Variants in ESPL1 observed in about 807,000 individuals in gnomAD.
ESPL1 encodes separin.
Under a neutral mutation model 217.2 loss-of-function variants are expected in ESPL1, and 50 were observed. That is an observed-to-expected ratio of 0.23 (90% CI 0.18 to 0.29). ESPL1 has a LOEUF of 0.29. Ranked by LOEUF, ESPL1 falls within the 10% of genes least tolerant of loss-of-function variation. The pLI, the probability that ESPL1 is intolerant of heterozygous loss-of-function variation, is 1.00. For missense variants in ESPL1, 1,834 were observed against 2,603.0 expected (o/e 0.70, Z 6.43); for synonymous variants, 994 against 1,081.3 (o/e 0.92, Z 1.58).
At position 53,286,591 on chromosome 12, in the gene ESPL1, C is replaced by G. The variant is rs369769998; in HGVS notation, c.3855C>G (p.Thr1285=). The change falls in exon 18 of 31, where the codon ACC becomes ACG. Residue 1285 remains threonine (T), a synonymous_variant. Coordinates refer to ENST00000257934, the MANE Select transcript of ESPL1 (RefSeq NM_012291.5). This position sits in a 1 kb window ranked among gnomAD's most constrained non-coding sequence, Gnocchi z 5.3. ...TAGGTGGCCTCAGCTGCTGTACTAC[C>G]CAACTTTTTGCAAGCTCCTGGGGCT... The part of the protein sequence containing the change: ...TKLGGLSCCT[T]QLFASSWGWQ... 33 of 1,614,054 alleles carry G rather than the reference C, an allele frequency of 2.0e-5. No individual in the cohort carries two copies. The highest frequency in any genetic ancestry group is 2.7e-5 in the Non-Finnish European group (32 of 1,180,050).
rs756350037 is a variant in ESPL1, at chr12:53,276,806, G to A, written c.1887G>A (p.Leu629=). ...GGGCCTGGGCACGAGCCACCCACCT[G>A]GTAGAACTGGCTCAGGTGCTCTGCT... is the stretch of plus-strand genomic sequence containing the variant. ...PAGAWARATH[L]VELAQVLCYH... The change falls in exon 8 of 31, where the codon CTG becomes CTA. Residue 629 remains leucine (L), a synonymous_variant. Transcript: ENST00000257934. 1.2e-6 allele frequency: 2 copies of A among 1,613,814 alleles called. No individual in the cohort carries two copies. Among genetic ancestry groups the A allele is most frequent in the African/African-American group, 2.7e-5 (2 of 74,944 alleles).
intron 24 of ESPL1, 101 bp downstream of exon 24, chr12:53,290,570 C>T: frequency 8.0e-7 from 1 of 1,248,524 alleles, no homozygotes; most frequent in Middle Eastern, 2.1e-4. Context: ...AAAGCCACTT[C>T]AAATCCCTTC....
intron 11 of ESPL1, among the ~76,000 whole-genome samples, chr12:53,278,802 G>A (rs1406642252): frequency 1.3e-5 from 2 of 151,778 alleles, no homozygotes; most frequent in Admixed American, 1.3e-4. Context: ...TATTGGCCAG[G>A]CCGGTCTCGA....
chr12:53,281,713 T>G (rs542051242), intron 13 of ESPL1, 87 bp downstream of exon 13: 1 of 1,309,972 alleles, frequency 7.6e-7, no homozygotes, highest in South Asian at 1.3e-5. Context: ...TTTTGAGATT[T>G]CCCTGGAGCT....
At chr12:53,280,231 C>T (rs543919079) in intron 12 of ESPL1, among the ~76,000 whole-genome samples, 6 of 152,284 alleles carry the variant, frequency 3.9e-5, no homozygotes, top group South Asian at 2.1e-4. Context: ...GTCTTCTTAA[C>T]GACCACTGGT....
At chr12:53,270,630 T>G (rs1382081620) in intron 4 of ESPL1, 48 bp from the exon 5 acceptor site, 1 of 1,613,236 alleles carries the variant, frequency 6.2e-7, no homozygotes. Flanking sequence ...GGAGGTCATC[T>G]TGGACCCAGC....
Position 53,288,639 on chromosome 12 carries a change from A to G in ESPL1, c.4648A>G (p.Lys1550Glu). The change falls in exon 20 of 31, where the codon AAG becomes GAG. Residue 1550 changes from lysine (K) to glutamate (E), a missense_variant. This residue lies in a region of ESPL1 where 681 missense variants were observed against 808.0 expected (regional missense o/e 0.84). Coordinates refer to ENST00000257934, the MANE Select transcript of ESPL1 (RefSeq NM_012291.5). ...GAAGCTGCCCAGCCCATGCCCAGAC[A>G]AGGAGAGTGACAAGGACCTTGGTCC... ...KKKLPSPCPD[K>E]ESDKDLGPRL... 6.2e-7 allele frequency: 1 copy of G among 1,613,954 alleles called. No homozygotes were observed. The highest frequency in any genetic ancestry group is 8.5e-7 in the Non-Finnish European group (1 of 1,180,018).
intron 21 of ESPL1, 28 bp downstream of exon 21, chr12:53,289,331 T>G: frequency 6.2e-7 from 1 of 1,610,934 alleles, no homozygotes; most frequent in Non-Finnish European, 8.5e-7. Context: ...CCAAGACTCC[T>G]GCTGGGGCAG....
rs1943897478 is a variant in ESPL1, at chr12:53,283,466, G to A, written c.3005G>A (p.Gly1002Asp). Residue 1002 changes from glycine to aspartate, a missense_variant, in exon 16 of 31, where the codon GGT becomes GAT. Transcript: ENST00000257934. ...CTGGTCTGCCACCTGGGCCGCCTGG[G>A]TAGTGTGAGTGAAGCCAAGGCCTTT... ...EKLVCHLGRL[G>D]SVSEAKAFCL... 1.9e-6 allele frequency: 3 copies of A among 1,614,068 alleles called. No individual in the cohort carries two copies. The highest frequency in any genetic ancestry group is 1.3e-5 in the African/African-American group (1 of 74,932).
At chr12:53,280,980 G>A (rs577315179) in intron 12 of ESPL1, among the ~76,000 whole-genome samples, 4 of 149,716 alleles carry the variant, frequency 2.7e-5, no homozygotes, top group African/African-American at 7.4e-5. Flanking sequence ...CAACAAGAGC[G>A]AAACTCCGTC....
At position 53,288,061 on chromosome 12, in the gene ESPL1, C is replaced by T. The variant is rs1232230539; in HGVS notation, c.4266C>T (p.Ser1422=). The part of the protein sequence containing the change: ...AEEPKRRGTA[S]RGRGRARKGL... ...AGCCTAAGAGACGGGGCACTGCTTC[C>T]CGGGGCCGGGGGCGAGCAAGGAAGG... Residue 1422 remains serine (S), a synonymous_variant, in exon 19 of 31, where the codon TCC becomes TCT. Coordinates refer to ENST00000257934, the MANE Select transcript of ESPL1 (RefSeq NM_012291.5). 1.2e-6 allele frequency: 2 copies of T among 1,613,658 alleles called. No individual in the cohort carries two copies. The highest frequency in any genetic ancestry group is 1.3e-5 in the African/African-American group (1 of 75,060).
Position 53,281,632 on chromosome 12 carries a change from T to C in ESPL1, c.2619+6T>C. On this transcript the variant is annotated splice_donor_region_variant and intron_variant, in intron 13 of 30. Transcript: ENST00000257934. ...TCTACTGGACTCACCAGAAGGTATT[T>C]CTCACTTTCTTAAACTCCGAAGGCC... 1.9e-6 allele frequency: 3 copies of C among 1,610,418 alleles called. No homozygotes were observed. The highest frequency in any genetic ancestry group is 2.5e-6 in the Non-Finnish European group (3 of 1,178,610).
chr12:53,292,898 G>A lies in ESPL1; in HGVS notation c.6089G>A (p.Ser2030Asn). 1 of 1,613,806 alleles carries A rather than the reference G, an allele frequency of 6.2e-7. No homozygotes were observed. The highest frequency in any genetic ancestry group is 8.5e-7 in the Non-Finnish European group (1 of 1,180,036). Residue 2030 changes from serine to asparagine, a missense_variant, in exon 30 of 31, where the codon AGC (serine) becomes AAC (asparagine). Transcript: ENST00000257934. This position sits in a 1 kb window ranked among gnomAD's most constrained non-coding sequence, Gnocchi z 4.5. ...GCAGTGGCCCTGCTGTTTGGCTGTAGCAGTGCGGCCCTGGCTGTGCGTGGA... is the reference window on the plus strand; with the variant it reads ...GCAGTGGCCCTGCTGTTTGGCTGTAACAGTGCGGCCCTGGCTGTGCGTGGA... Reference protein sequence around the residue: ...CRAVALLFGCSSAALAVRGNL... With the variant: ...CRAVALLFGCNSAALAVRGNL...
intron 7 of ESPL1, among the ~76,000 whole-genome samples, chr12:53,276,000 A>G (rs1047359142): frequency 3.3e-5 from 5 of 152,216 alleles, no homozygotes; most frequent in African/African-American, 9.6e-5. Flanking sequence ...TACTTTGTAA[A>G]GATCTCAGGG....
intron 16 of ESPL1, 69 bp from the exon 17 acceptor site, chr12:53,283,989 G>T (rs1943905350): frequency 1.7e-6 from 2 of 1,180,214 alleles, no homozygotes; most frequent in Non-Finnish European, 1.3e-6. Context: ...TGGGAAAGAG[G>T]CAAAGAGAAA....
At chr12:53,272,618 C>A in intron 5 of ESPL1, 103 bp from the exon 6 acceptor site, 1 of 1,361,890 alleles carries the variant, frequency 7.3e-7, no homozygotes. Context: ...GATCTGGAAG[C>A]TGCTGAACTG....
chr12:53,279,481 T>C (rs1036497037), intron 11 of ESPL1, among the ~76,000 whole-genome samples: 3 of 152,218 alleles, frequency 2.0e-5, no homozygotes, highest in Non-Finnish European at 2.9e-5. Flanking sequence ...TTAAATGCAC[T>C]GATGCATGTA....
At position 53,270,758 on chromosome 12, in the gene ESPL1, C is replaced by A. The variant is rs765316711; in HGVS notation, c.1329C>A (p.Gly443=). ...TVVWMLEALE[G]LSGQELTDHM... ...TCTGGATGCTGGAGGCCTTAGAGGG[C>A]CTGTCGGGCCAAGAGCTGACGGACC... is the stretch of plus-strand genomic sequence containing the variant. Residue 443 remains glycine, a synonymous_variant, in exon 5 of 31, where the codon GGC becomes GGA. Coordinates refer to ENST00000257934, the MANE Select transcript of ESPL1 (RefSeq NM_012291.5). The A allele has an allele frequency of 7.4e-6, 12 of 1,614,170 alleles. No individual in the cohort carries two copies. In the South Asian group the frequency reaches 1.2e-4, roughly 16 times the overall value.
intron 18 of ESPL1, 64 bp from the exon 19 acceptor site, chr12:53,287,908 G>T: frequency 6.7e-7 from 1 of 1,489,638 alleles, no homozygotes; most frequent in Non-Finnish European, 9.0e-7. Context: ...TACGCCACCT[G>T]CTGTCACAAG....
Sources: allele counts gnomAD v4.1 joint callset (sites outside exome capture counted in the v4.1 genomes callset), GRCh38; gene constraint gnomAD v4.1.1; regional missense constraint gnomAD v4.1.1; non-coding constraint Gnocchi (gnomAD v3.1); transcripts MANE v1.5; gene names NCBI Gene and HGNC (gene_info 2026-07-23, HGNC 2026-07-21).